Variants in DGLUCY observed in about 807,000 individuals in gnomAD.
DGLUCY encodes the protein D-glutamate cyclase.
A neutral mutation model predicts 58.5 loss-of-function variants in DGLUCY; 58 were observed. That is an observed-to-expected ratio of 0.99 (90% CI 0.80 to 1.23). The LOEUF (loss-of-function observed/expected upper bound fraction) is 1.23, where lower values mean the gene tolerates loss of function less well. DGLUCY is among the 50% of genes most tolerant of loss of function. The pLI, the probability that DGLUCY is intolerant of heterozygous loss-of-function variation, is 0.00. For missense variants in DGLUCY, 779 were observed against 784.7 expected, an observed-to-expected ratio of 0.99 and a Z score of 0.09; for synonymous variants, 325 against 314.1, an observed-to-expected ratio of 1.03 and a Z score of -0.37.
rs572557260 is a variant in DGLUCY, at chr14:91,174,650, C to A, written c.607+1211C>A. ...AACTGGTATACATAAGTAAATGTTT[C>A]CTCAAGGTCTGTGAGCTGCTCCAGG... On this transcript the variant is annotated intron_variant, in intron 6 of 13. Coordinates refer to ENST00000256324, the MANE Select transcript of DGLUCY (RefSeq NM_001102368.3). 2.6e-5 allele frequency among the ~76,000 whole-genome samples: 4 copies of A among 152,286 alleles called. No individual in the cohort carries two copies. In the South Asian group the frequency reaches 8.3e-4, roughly 32 times the overall value.
intron 1 of DGLUCY, among the ~76,000 whole-genome samples, chr14:91,157,342 G>C (rs140276621): frequency 1.3e-5 from 2 of 152,312 alleles, no homozygotes; most frequent in African/African-American, 2.4e-5. Context: ...TACATACATA[G>C]ATTCATACAT....
At chr14:91,082,970 T>G (rs2044152227) in intron 1 of DGLUCY, among the ~76,000 whole-genome samples, 1 of 152,074 alleles carries the variant, frequency 6.6e-6, no homozygotes, top group Admixed American at 6.6e-5. Flanking sequence ...GTTGCCCAGG[T>G]GGGTCTCAAA....
At chr14:91,126,991 C>T (rs2045728422) in intron 1 of DGLUCY, among the ~76,000 whole-genome samples, 1 of 151,510 alleles carries the variant, frequency 6.6e-6, no homozygotes. Flanking sequence ...GTGGTACAGG[C>T]TGCCCACATC....
At chr14:91,135,105 G>A (rs954168486) in intron 1 of DGLUCY, among the ~76,000 whole-genome samples, 1 of 151,836 alleles carries the variant, frequency 6.6e-6, no homozygotes, top group Non-Finnish European at 1.5e-5. Flanking sequence ...TTAATTTTTT[G>A]TAGAGACAGG....
chr14:91,108,528 A>C (rs61989791), intron 1 of DGLUCY, among the ~76,000 whole-genome samples: 1 of 36,050 alleles, frequency 2.8e-5, no homozygotes, highest in Non-Finnish European at 6.0e-5. Context: ...TGTGTGTGTG[A>C]GAGAGAGAGA....
At chr14:91,157,315 A>C (rs1323405731) in intron 1 of DGLUCY, among the ~76,000 whole-genome samples, 1 of 151,878 alleles carries the variant, frequency 6.6e-6, no homozygotes, top group Admixed American at 6.6e-5. Context: ...GAATGGGTGG[A>C]TGGATGGATG....
intron 1 of DGLUCY, among the ~76,000 whole-genome samples, chr14:91,149,549 A>G (rs1365710759): frequency 6.6e-6 from 1 of 152,232 alleles, no homozygotes; most frequent in Non-Finnish European, 1.5e-5. Context: ...AGGACTAACC[A>G]TGGAACCGAT....
chr14:91,119,152 A>G (rs2045192859), intron 1 of DGLUCY, among the ~76,000 whole-genome samples: 1 of 152,144 alleles, frequency 6.6e-6, no homozygotes, highest in Non-Finnish European at 1.5e-5. Flanking sequence ...TGGTCAGTCC[A>G]GGACAGGCAA....
At chr14:91,182,898 GTTATT>G (rs59683770) in intron 8 of DGLUCY, among the ~76,000 whole-genome samples, 8 of 149,578 alleles carry the variant, frequency 5.3e-5, no homozygotes, top group Middle Eastern at 3.4e-3. Context: ...ATTCCAATTA[GTTATT>G]TTATTTTATT....
At chr14:91,181,924 C>T (rs1308499181) in intron 8 of DGLUCY, among the ~76,000 whole-genome samples, 1 of 151,536 alleles carries the variant, frequency 6.6e-6, no homozygotes, top group Non-Finnish European at 1.5e-5. Flanking sequence ...GGTTTACAAG[C>T]GTGAGCCACC....
At chr14:91,069,799 C>CTTT (rs5810528) in intron 1 of DGLUCY, among the ~76,000 whole-genome samples, 25,202 of 120,716 alleles carry the variant, frequency 0.21, 3,274 homozygotes, top group Non-Finnish European at 0.27. Context: ...TGATATGCCT[C>CTTT]TTTTTTTTTT....
chr14:91,119,893 A>G (rs1051601115), intron 1 of DGLUCY, among the ~76,000 whole-genome samples: 25 of 152,200 alleles, frequency 1.6e-4, no homozygotes, highest in African/African-American at 6.0e-4. Flanking sequence ...CCTGCCCTCA[A>G]ACATCTGACT....
At chr14:91,098,392 G>C (rs2044431055) in intron 1 of DGLUCY, among the ~76,000 whole-genome samples, 1 of 152,172 alleles carries the variant, frequency 6.6e-6, no homozygotes. Flanking sequence ...TGAGGTCAAG[G>C]CTGTAGTGAG....
chr14:91,196,578 C>A, intron 10 of DGLUCY, 104 bp downstream of exon 10: 2 of 924,334 alleles, frequency 2.2e-6, no homozygotes, highest in Admixed American at 2.2e-5. Flanking sequence ...TCAGAGGGAG[C>A]GAAGCCATGA....
intron 11 of DGLUCY, among the ~76,000 whole-genome samples, chr14:91,201,929 C>T (rs2050588207): frequency 6.6e-6 from 1 of 151,894 alleles, no homozygotes; most frequent in African/African-American, 2.4e-5. Flanking sequence ...GTGGTGGGCT[C>T]CTGTGATTCC....
intron 1 of DGLUCY, chr14:91,125,663 A>G (rs1361070958): frequency 6.6e-6 from 1 of 152,192 alleles, no homozygotes; most frequent in East Asian, 1.9e-4. Context: ...TACAAATACA[A>G]AGGTTAAGGT....
intron 1 of DGLUCY, among the ~76,000 whole-genome samples, chr14:91,145,658 C>T (rs532831472): frequency 9.9e-5 from 15 of 152,206 alleles, no homozygotes; most frequent in African/African-American, 3.6e-4. Context: ...ACCTGCATCT[C>T]CAGCAGTTAT....
chr14:91,142,853 ACACAC>A (rs2046791327), intron 1 of DGLUCY, among the ~76,000 whole-genome samples: 1 of 143,746 alleles, frequency 7.0e-6, no homozygotes, highest in African/African-American at 2.7e-5. Context: ...ACACACACAC[ACACAC>A]ACACACACAC....
intron 1 of DGLUCY, among the ~76,000 whole-genome samples, chr14:91,096,409 G>A (rs928304424): frequency 6.2e-5 from 9 of 144,288 alleles, no homozygotes; most frequent in Admixed American, 2.7e-4. Context: ...GTGACAGAGC[G>A]AGACTCCATC....
Sources: gnomAD v4.1 joint callset for allele counts (sites outside exome capture counted in the v4.1 genomes callset) on GRCh38, gnomAD v4.1.1 for gene constraint, MANE v1.5 for transcripts, NCBI Gene and HGNC (gene_info 2026-07-23, HGNC 2026-07-21) for gene names.